The following SLC33A1 variants were observed in gnomAD, a reference collection of about 807,000 sequenced individuals.
The protein encoded by SLC33A1 is acetyl-coenzyme A transporter 1.
A neutral mutation model predicts 50.0 loss-of-function variants in SLC33A1; 20 were observed. The observed-to-expected ratio is 0.40, with a 90% CI of 0.28 to 0.58. The LOEUF is 0.58. Among genes scored for constraint, SLC33A1 ranks in the 20% least tolerant of loss-of-function variants. The pLI is 0.44. For synonymous variants in SLC33A1, 265 were observed against 251.8 expected, an observed-to-expected ratio of 1.05 and a Z score of -0.50; for missense variants, 476 against 657.0, an observed-to-expected ratio of 0.72 and a Z score of 3.01.
chr3:155,849,227 A>C (rs1436900968), intron 1 of SLC33A1, among the ~76,000 whole-genome samples: 1 of 152,056 alleles, frequency 6.6e-6, no homozygotes, highest in Non-Finnish European at 1.5e-5. Context: ...AACATATTTT[A>C]GAATTAAAAA....
At chr3:155,841,027 A>C (rs1330075611) in intron 2 of SLC33A1, among the ~76,000 whole-genome samples, 1 of 151,408 alleles carries the variant, frequency 6.6e-6, no homozygotes, top group East Asian at 1.9e-4. Flanking sequence ...TGAACTTTTC[A>C]TATTTTCTGA....
rs181645186 is a variant in SLC33A1 at position 155,848,609 on chromosome 3, G to A, written c.775+4614C>T. On this transcript the variant is annotated intron_variant, in intron 1 of 5. Transcript: ENST00000643144. ...AGGCAGGAGAATGGTGTGAACCCTG[G>A]AGGTGGAGCTTGCAGTGAGCAGAGA... is the stretch of plus-strand genomic sequence containing the variant. Among the ~76,000 whole-genome samples the A allele has an allele frequency of 3.0e-3, 455 of 152,262 alleles. 6 individuals carry two copies. Among genetic ancestry groups the A allele is most frequent in the African/African-American group, 0.011 (438 of 41,550 alleles).
intron 5 of SLC33A1, among the ~76,000 whole-genome samples, chr3:155,828,904 T>TTG (rs1553775591): frequency 1.0e-3 from 119 of 116,912 alleles, no homozygotes; most frequent in African/African-American, 7.8e-3. Context: ...ATGTTTTTTT[T>TTG]TTTTTTTTTT....
rs1338723985 is a variant in SLC33A1 at position 155,824,425 on chromosome 3, CAAAAT to C, written c.*3780_*3784del. ...CTTTCTCAGGTTTCTGTTAATAAGG[CAAAAT>C]AAAAGTCACTCAGAAAAAAAAGGTT... is the stretch of plus-strand genomic sequence containing the variant. On this transcript the variant is annotated 3_prime_UTR_variant, in exon 6 of 6. Coordinates refer to ENST00000643144, the MANE Select transcript of SLC33A1 (RefSeq NM_004733.4). 1 of 151,998 alleles carries C rather than the reference CAAAAT, an allele frequency of 6.6e-6. No homozygotes were observed. Among genetic ancestry groups the C allele is most frequent in the Non-Finnish European group, 1.5e-5 (1 of 67,996 alleles). 9.4% of individuals were successfully genotyped at this position (151,998 alleles called of 1,614,324 possible).
chr3:155,829,560 T>C (rs1752326699), intron 5 of SLC33A1, 128 bp downstream of exon 5: 1 of 706,228 alleles, frequency 1.4e-6, no homozygotes. Flanking sequence ...AATATATATG[T>C]AGATTTCTAA....
chr3:155,853,735 G>C lies in SLC33A1; in HGVS notation c.263C>G (p.Pro88Arg). 1 of 1,614,090 alleles carries C rather than the reference G, an allele frequency of 6.2e-7. No homozygotes were observed. Among genetic ancestry groups the C allele is most frequent in the Non-Finnish European group, 8.5e-7 (1 of 1,180,030 alleles). ...TGGGATGCTTCCCGCCAAGCCCAGGGGAATACCCTGAAGCACGTAAAGAAA... is the reference window on the plus strand; with the variant it reads ...TGGGATGCTTCCCGCCAAGCCCAGGCGAATACCCTGAAGCACGTAAAGAAA... Reference protein sequence around the residue: ...LLFLYVLQGIPLGLAGSIPLI... With the variant: ...LLFLYVLQGIRLGLAGSIPLI... The change falls in exon 1 of 6, where the codon CCC becomes CGC. Residue 88 changes from proline to arginine, a missense_variant. Transcript: ENST00000643144.
chr3:155,853,631 A>G lies in SLC33A1; in HGVS notation c.367T>C (p.Leu123=). Residue 123 remains leucine (L), a synonymous_variant, in exon 1 of 6, where the codon TTA becomes CTA. Transcript: ENST00000643144. The part of the protein sequence containing the change: ...SFVFWPFSLK[L]LWAPLVDAVY... ...GCATCAACCAACGGGGCCCAGAGTA[A>G]TTTGAGACTGAAGGGCCAAAAGACA... is the stretch of plus-strand genomic sequence containing the variant. 1 of 1,614,220 alleles carries G rather than the reference A, an allele frequency of 6.2e-7. No individual in the cohort carries two copies. The highest frequency in any genetic ancestry group is 8.5e-7 in the Non-Finnish European group (1 of 1,180,052).
In SLC33A1 at chr3:155,846,044, G is replaced by A. The variant is rs150871393; in HGVS notation, c.776-3425C>T. On this transcript the variant is annotated intron_variant, in intron 1 of 5. Coordinates refer to ENST00000643144, the MANE Select transcript of SLC33A1 (RefSeq NM_004733.4). ...AAAAACAGACTAAATATTCTGAAGT[G>A]GCTGCAAGATCTTGTCCAGTGCTTT... 4.1e-4 allele frequency among the ~76,000 whole-genome samples: 62 copies of A among 152,268 alleles called. No individual in the cohort carries two copies. The East Asian group carries it at 0.011, about 28-fold the overall frequency.
intron 2 of SLC33A1, among the ~76,000 whole-genome samples, chr3:155,836,649 C>T (rs1236379007): frequency 6.6e-6 from 1 of 152,184 alleles, no homozygotes; most frequent in Non-Finnish European, 1.5e-5. Context: ...GTAAGCACAG[C>T]ACTTTGGGAG....
At chr3:155,851,226 G>C (rs372562385) in intron 1 of SLC33A1, among the ~76,000 whole-genome samples, 1 of 151,928 alleles carries the variant, frequency 6.6e-6, no homozygotes, top group Admixed American at 6.6e-5. Flanking sequence ...AGTGTCAGAG[G>C]GAGACTCCAT....
chr3:155,840,763 G>T (rs748795789), intron 2 of SLC33A1, among the ~76,000 whole-genome samples: 3 of 152,182 alleles, frequency 2.0e-5, no homozygotes, highest in Middle Eastern at 3.4e-3. Flanking sequence ...GCAGTAAGCC[G>T]AGATAGGGCC....
intron 2 of SLC33A1, among the ~76,000 whole-genome samples, chr3:155,841,668 C>T (rs1248831352): frequency 2.0e-5 from 3 of 152,160 alleles, no homozygotes; most frequent in African/African-American, 4.8e-5. Context: ...ATTTTCCTTT[C>T]AGTACTTAAA....
intron 4 of SLC33A1, among the ~76,000 whole-genome samples, chr3:155,832,235 C>T (rs1032513330): frequency 2.6e-4 from 39 of 152,168 alleles, no homozygotes; most frequent in African/African-American, 9.4e-4. Context: ...CAAAATGAGC[C>T]GGGCATGGTG....
In SLC33A1 at chr3:155,823,208, T is replaced by G. The variant is rs201921501; in HGVS notation, c.*5002A>C. On this transcript the variant is annotated 3_prime_UTR_variant, in exon 6 of 6. Transcript: ENST00000643144. ...TGCCTCTTCCAAAACAGAATTCCAA[T>G]AAGGAAAATAAGCTATCCATGCTGA... The G allele has an allele frequency of 4.6e-5, 7 of 152,266 alleles. No individual in the cohort carries two copies. In the East Asian group the frequency reaches 1.4e-3, roughly 29 times the overall value. The allele number at this position is 152,266 out of a possible 1,614,324, so 9.4% of individuals were successfully genotyped here.
chr3:155,834,737 G>A (rs968248899), intron 2 of SLC33A1, among the ~76,000 whole-genome samples: 3 of 152,150 alleles, frequency 2.0e-5, no homozygotes, highest in Non-Finnish European at 4.4e-5. Context: ...CAGTTAAAGG[G>A]ATAAAGAGAC....
At chr3:155,828,411 A>G (rs1035841370) in intron 5 of SLC33A1, 34 bp from the exon 6 acceptor site, 3 of 1,329,608 alleles carry the variant, frequency 2.3e-6, no homozygotes, top group Non-Finnish European at 3.2e-6. Flanking sequence ...ATACTCCACA[A>G]TTTCAAAATG....
rs189360689 is a variant in SLC33A1 at position 155,830,327 on chromosome 3, C to T, written c.1267-424G>A. 6.9e-3 allele frequency among the ~76,000 whole-genome samples: 1,048 copies of T among 151,436 alleles called. 21 individuals are homozygous for T. Among genetic ancestry groups the T allele is most frequent in the Admixed American group, 0.044 (674 of 15,170 alleles). ...GGCGGAGCTTGCAGTGAGCTGAGATCGCACCACTGCACTCCAGCCTGGGCG... is the reference window on the plus strand; with the variant it reads ...GGCGGAGCTTGCAGTGAGCTGAGATTGCACCACTGCACTCCAGCCTGGGCG... On this transcript the variant is annotated intron_variant, in intron 4 of 5. Transcript: ENST00000643144.
At chr3:155,844,187 C>T (rs964691719) in intron 1 of SLC33A1, among the ~76,000 whole-genome samples, 18 of 152,100 alleles carry the variant, frequency 1.2e-4, no homozygotes, top group Admixed American at 3.9e-4. Context: ...AGATCAATTT[C>T]GCCTTGGTAT....
chr3:155,853,962 C>T lies in SLC33A1; in HGVS notation c.36G>A (p.Arg12=). 2 of 1,539,930 alleles carry T rather than the reference C, an allele frequency of 1.3e-6. No homozygotes were observed. The highest frequency in any genetic ancestry group is 1.7e-6 in the Non-Finnish European group (2 of 1,148,266). The change falls in exon 1 of 6, where the codon CGG becomes CGA. Residue 12 remains arginine, a synonymous_variant. Transcript: ENST00000643144. ...SPTISHKDSS[R]QRRPGNFSHS... Reference sequence around the variant, plus strand: ...GACTGAAATTCCCTGGCCGCCGTTGCCGGCTGCTGTCCTTGTGGGAGATGG... The same window carrying T: ...GACTGAAATTCCCTGGCCGCCGTTGTCGGCTGCTGTCCTTGTGGGAGATGG...
Sources: allele counts gnomAD v4.1 joint callset (sites outside exome capture counted in the v4.1 genomes callset), GRCh38; gene constraint gnomAD v4.1.1; transcripts MANE v1.5; gene names NCBI Gene and HGNC (gene_info 2026-07-23, HGNC 2026-07-21).